The following PDZD2 variants were observed in gnomAD, a reference collection of about 807,000 sequenced individuals.
PDZD2 encodes PDZ domain-containing protein 2.
In PDZD2, 90 loss-of-function variants were observed where a neutral mutation model predicts 220.7. The ratio of observed to expected loss-of-function variants is 0.41; its 90% confidence interval spans 0.34 to 0.49. The LOEUF is 0.49. Among genes scored for constraint, PDZD2 ranks in the 20% least tolerant of loss-of-function variants. PDZD2 has a pLI of 0.28. For missense variants in PDZD2, 3,174 were observed against 3,608.5 expected, an observed-to-expected ratio of 0.88 and a Z score of 3.08; for synonymous variants, 1,375 against 1,450.5, an observed-to-expected ratio of 0.95 and a Z score of 1.18.
intron 6 of PDZD2, among the ~76,000 whole-genome samples, chr5:32,020,429 G>T (rs2112133541): frequency 6.6e-6 from 1 of 152,266 alleles, no homozygotes; most frequent in Middle Eastern, 3.4e-3. Flanking sequence ...GGGTAACGTG[G>T]CTCATTTTTG....
chr5:31,936,328 T>G (rs1745723768), intron 2 of PDZD2: 1 of 987,516 alleles, frequency 1.0e-6, no homozygotes, highest in Non-Finnish European at 1.2e-6. Flanking sequence ...CACGCTCACC[T>G]GACCAGCTCA....
intron 1 of PDZD2, among the ~76,000 whole-genome samples, chr5:31,765,714 T>C (rs1751959743): frequency 6.6e-6 from 1 of 152,158 alleles, no homozygotes; most frequent in South Asian, 2.1e-4. Flanking sequence ...GCTGACAGCA[T>C]GCTGTGTGTC....
At chr5:32,073,333 A>G (rs1346293379) in intron 17 of PDZD2, among the ~76,000 whole-genome samples, 1 of 151,826 alleles carries the variant, frequency 6.6e-6, no homozygotes, top group East Asian at 1.9e-4. Flanking sequence ...TCTTTAAGAC[A>G]TAGGACAGTT....
intron 1 of PDZD2, among the ~76,000 whole-genome samples, chr5:31,747,025 A>G (rs1750642859): frequency 1.3e-5 from 2 of 152,234 alleles, no homozygotes; most frequent in South Asian, 4.1e-4. Context: ...AAATACAAAA[A>G]TTAGCTGGGT....
Position 31,970,156 on chromosome 5 carries a change from A to G in PDZD2, c.477-12999A>G, listed in dbSNP as rs141508448. Among the ~76,000 whole-genome samples, 1,473 of 152,120 alleles carry G rather than the reference A, an allele frequency of 9.7e-3. 31 individuals carry two copies. The highest frequency in any genetic ancestry group is 0.034 in the African/African-American group (1,401 of 41,490). On this transcript the variant is annotated intron_variant, in intron 2 of 24. Transcript: ENST00000438447. ...GTGATCCGCCCACCTCGGCCTCCCAAAGTGCTGGGATTACAGACGTGAGCC... is the reference window on the plus strand; with the variant it reads ...GTGATCCGCCCACCTCGGCCTCCCAGAGTGCTGGGATTACAGACGTGAGCC...
intron 1 of PDZD2, among the ~76,000 whole-genome samples, chr5:31,691,239 C>T (rs928525996): frequency 3.3e-5 from 5 of 150,364 alleles, no homozygotes; most frequent in East Asian, 1.9e-4. Context: ...CTTAAGGCGG[C>T]GCGTCTGGAG....
In PDZD2 at chr5:32,088,389, G is replaced by A. The variant is rs1742735097; in HGVS notation, c.4941G>A (p.Glu1647=). 1 of 1,613,864 alleles carries A rather than the reference G, an allele frequency of 6.2e-7. No homozygotes were observed. The highest frequency in any genetic ancestry group is 8.5e-7 in the Non-Finnish European group (1 of 1,179,980). Residue 1647 remains glutamate (E), a synonymous_variant, in exon 20 of 25, where the codon GAG becomes GAA. Transcript: ENST00000438447. This position sits in a 1 kb window ranked among gnomAD's most constrained non-coding sequence, Gnocchi z 4.6. ...GAGAGTCGGTGGCCAGTCCCCGTGAGAAGGCCGCCTGCTTGCCAGGCTCAT... is the reference window on the plus strand; with the variant it reads ...GAGAGTCGGTGGCCAGTCCCCGTGAAAAGGCCGCCTGCTTGCCAGGCTCAT... ...TPRESVASPR[E]KAACLPGSYT...
intron 1 of PDZD2, among the ~76,000 whole-genome samples, chr5:31,721,851 T>C (rs1748821333): frequency 6.6e-6 from 1 of 152,184 alleles, no homozygotes; most frequent in South Asian, 2.1e-4. Context: ...GAGATCGGTT[T>C]ACAGAGCTGG....
At chr5:31,992,674 G>A (rs192230414) in intron 3 of PDZD2, among the ~76,000 whole-genome samples, 11 of 152,140 alleles carry the variant, frequency 7.2e-5, no homozygotes, top group Admixed American at 3.9e-4. Context: ...ACTAATTTGC[G>A]CTAAAACCCA....
At chr5:31,977,022 G>T (rs7705921) in intron 2 of PDZD2, among the ~76,000 whole-genome samples, 37,551 of 143,252 alleles carry the variant, frequency 0.26, 5,026 homozygotes, top group African/African-American at 0.35. Flanking sequence ...GGCCAGTTTT[G>T]TTTTTTTTTT....
At chr5:31,881,177 A>T (rs1412850921) in intron 2 of PDZD2, among the ~76,000 whole-genome samples, 6 of 151,902 alleles carry the variant, frequency 3.9e-5, no homozygotes, top group Non-Finnish European at 8.8e-5. Flanking sequence ...AGCTGTTCAT[A>T]AATCTTTTTC....
At chr5:32,056,348 G>A (rs1739079437) in intron 10 of PDZD2, among the ~76,000 whole-genome samples, 1 of 152,172 alleles carries the variant, frequency 6.6e-6, no homozygotes, top group Non-Finnish European at 1.5e-5. Flanking sequence ...GTGCTCCTGG[G>A]ATTGGCTGTC....
chr5:32,033,542 C>G (rs868516621), intron 6 of PDZD2, among the ~76,000 whole-genome samples: 2 of 152,072 alleles, frequency 1.3e-5, no homozygotes, highest in Admixed American at 6.6e-5. Context: ...GAGCTCTCTG[C>G]TTGCAACTCT....
chr5:32,097,161 GC>G, intron 21 of PDZD2, 117 bp from the exon 22 acceptor site: 1 of 691,624 alleles, frequency 1.4e-6, no homozygotes, highest in Non-Finnish European at 2.6e-6. Flanking sequence ...GTGGTGAAAA[GC>G]CCCTCCAAGA....
At chr5:31,712,135 C>G (rs1221395517) in intron 1 of PDZD2, 2 of 152,292 alleles carry the variant, frequency 1.3e-5, no homozygotes, top group African/African-American at 4.8e-5. Flanking sequence ...GAACCCAGAG[C>G]CCTGAGGAGC....
chr5:31,661,785 G>GTTTTTTTTTTTTTT (rs5867089), intron 1 of PDZD2, among the ~76,000 whole-genome samples: 5 of 141,806 alleles, frequency 3.5e-5, no homozygotes, highest in Non-Finnish European at 3.0e-5. Flanking sequence ...TCCTCCCTTG[G>GTTTTTTTTTTTTTT]TTTTTTTTTT....
chr5:31,976,874 C>A (rs182904021), intron 2 of PDZD2, among the ~76,000 whole-genome samples: 15 of 151,734 alleles, frequency 9.9e-5, no homozygotes, highest in African/African-American at 3.6e-4. Flanking sequence ...CGTGCTACCA[C>A]GCCCGGCTAA....
chr5:32,066,026 ATC>A (rs1740181969), intron 14 of PDZD2, among the ~76,000 whole-genome samples: 1 of 100,082 alleles, frequency 1.0e-5, no homozygotes, highest in Non-Finnish European at 2.1e-5. Context: ...CTTGGTCTAA[ATC>A]AATCAATCAA....
At chr5:32,092,091 T>G (rs1169174755) in intron 20 of PDZD2, among the ~76,000 whole-genome samples, 2 of 151,990 alleles carry the variant, frequency 1.3e-5, no homozygotes, top group Non-Finnish European at 2.9e-5. Context: ...CTGGCCAACA[T>G]GGTGAAACCC....
Sources: gnomAD v4.1 joint callset for allele counts (sites outside exome capture counted in the v4.1 genomes callset) on GRCh38, gnomAD v4.1.1 for gene constraint, Gnocchi (gnomAD v3.1) non-coding constraint, MANE v1.5 for transcripts, NCBI Gene and HGNC (gene_info 2026-07-23, HGNC 2026-07-21) for gene names.